The following AQP6 variants were observed in gnomAD, a reference collection of about 807,000 sequenced individuals.
AQP6 encodes the protein aquaporin-6.
Under a neutral mutation model 16.3 loss-of-function variants are expected in AQP6, and 14 were observed. The ratio of observed to expected loss-of-function variants is 0.86; its 90% CI spans 0.57 to 1.34. The LOEUF (loss-of-function observed/expected upper bound fraction) is 1.34, where lower values mean the gene tolerates loss of function less well. Among genes scored for constraint, AQP6 ranks in the 40% most tolerant of loss-of-function variants. The probability of loss-of-function intolerance (pLI) is 0.00; values close to 1 mark genes in which losing one functional copy is unlikely to be tolerated. For synonymous variants in AQP6, 178 were observed against 166.8 expected (o/e 1.07, Z -0.52); for missense variants, 331 against 379.7 (o/e 0.87, Z 1.07).
chr12:49,975,111 CAG>C lies in AQP6; in HGVS notation c.642+287_642+288del. 1 of 1,320,400 alleles carries C rather than the reference CAG, an allele frequency of 7.6e-7. No homozygotes were observed. The highest frequency in any genetic ancestry group is 2.0e-5 in the South Asian group (1 of 50,210). 81.8% of individuals were successfully genotyped at this position (1,320,400 alleles called of 1,614,324 possible). On this transcript the variant is annotated intron_variant, in intron 3 of 3. Transcript: ENST00000315520. The surrounding 1 kb of genome is among the most constrained non-coding windows in gnomAD (Gnocchi z 4.4). ...AAACTTGGATAAAGAAAAAGACAAA[CAG>C]AAATAGACACACACACCAGCAGAGA... is the stretch of plus-strand genomic sequence containing the variant.
At chr12:49,973,745 A>C (rs1019005453) in intron 1 of AQP6, among the ~76,000 whole-genome samples, 170 bp downstream of exon 1, 5 of 152,218 alleles carry the variant, frequency 3.3e-5, no homozygotes, top group African/African-American at 9.6e-5. Flanking sequence ...CTTTGACCTC[A>C]GTCTAGGCAG....
At position 49,973,017 on chromosome 12, in the gene AQP6, G is replaced by A; in HGVS notation, c.-157G>A. The A allele has an allele frequency of 9.8e-7, 1 of 1,024,480 alleles. No homozygotes were observed. Among genetic ancestry groups the A allele is most frequent in the Non-Finnish European group, 1.4e-6 (1 of 723,792 alleles). The allele number at this position is 1,024,480 out of a possible 1,614,324, so 63.5% of individuals were successfully genotyped here. A position where few individuals can be genotyped will look rare whatever the true frequency, so the allele number is the denominator to read the frequency against. ...AGCACAGTCCTGGGGACAGGAGCGTGGTGGAGGAGCTGCAGGTGGGGGCCA... is the reference window on the plus strand; with the variant it reads ...AGCACAGTCCTGGGGACAGGAGCGTAGTGGAGGAGCTGCAGGTGGGGGCCA... On this transcript the variant is annotated 5_prime_UTR_variant, in exon 1 of 4. It introduces an in-frame stop codon into an upstream open reading frame of the 5' UTR. Transcript: ENST00000315520.
rs1021909610 is a variant in AQP6 at position 49,975,154 on chromosome 12, C to T, written c.643-311C>T. 7.7e-7 allele frequency: 1 copy of T among 1,298,806 alleles called. No individual in the cohort carries two copies. The highest frequency in any genetic ancestry group is 2.3e-5 in the South Asian group (1 of 44,384). 80.5% of individuals were successfully genotyped at this position (1,298,806 alleles called of 1,614,324 possible). A position where few individuals can be genotyped will look rare whatever the true frequency, so the allele number is the denominator to read the frequency against. On this transcript the variant is annotated intron_variant, in intron 3 of 3. Coordinates refer to ENST00000315520, the MANE Select transcript of AQP6 (RefSeq NM_001652.4). The surrounding 1 kb of genome is among the most constrained non-coding windows in gnomAD (Gnocchi z 4.4). ...CCAGCAGAGACAGAAACAGCAATAG[C>T]CAGGACTCCTGGCTAAAACGGGGGA...
In AQP6 at chr12:49,973,131, A is replaced by G. The variant is rs1947540586; in HGVS notation, c.-43A>G. 4 of 1,554,630 alleles carry G rather than the reference A, an allele frequency of 2.6e-6. No homozygotes were observed. The highest frequency in any genetic ancestry group is 1.4e-5 in the African/African-American group (1 of 73,496). On this transcript the variant is annotated 5_prime_UTR_variant, in exon 1 of 4. Coordinates refer to ENST00000315520, the MANE Select transcript of AQP6 (RefSeq NM_001652.4). ...AGATCAGAGACCAGAGGAACAGAGA[A>G]GAGGCCCCAGAGCAAGGCAAGGAAC...
Position 49,975,375 on chromosome 12 carries a change from A to G in AQP6, c.643-90A>G. ...ACAGTTGAGGGAGACCTGGGAGATCAAGTCGGCACTGGGGAAGCAGGCAGC... is the reference window on the plus strand; with the variant it reads ...ACAGTTGAGGGAGACCTGGGAGATCGAGTCGGCACTGGGGAAGCAGGCAGC... On this transcript the variant is annotated intron_variant, in intron 3 of 3. Transcript: ENST00000315520. This position sits in a 1 kb window ranked among gnomAD's most constrained non-coding sequence, Gnocchi z 4.4. 1 of 1,503,676 alleles carries G rather than the reference A, an allele frequency of 6.7e-7. No individual in the cohort carries two copies. The highest frequency in any genetic ancestry group is 1.4e-5 in the South Asian group (1 of 72,488). The allele number at this position is 1,503,676 out of a possible 1,614,324, so 93.1% of individuals were successfully genotyped here. A position where few individuals can be genotyped will look rare whatever the true frequency, so the allele number is the denominator to read the frequency against.
chr12:49,975,789 G>GTCCCCTCCAGCCC lies in AQP6; in HGVS notation c.*118_*119insTCCCCTCCAGCCC. The GTCCCCTCCAGCCC allele has an allele frequency of 7.5e-7, 1 of 1,335,572 alleles. No individual in the cohort carries two copies. The highest frequency in any genetic ancestry group is 9.9e-7 in the Non-Finnish European group (1 of 1,014,168). The allele number at this position is 1,335,572 out of a possible 1,614,324, so 82.7% of individuals were successfully genotyped here. The stretch of plus-strand genomic sequence containing the variant: ...CCTTTTGTCCTGACCAGGTGGGCTG[G>GTCCCCTCCAGCCC]AGGGGACAAGCCCTATCCCTGGCAT... On this transcript the variant is annotated 3_prime_UTR_variant, in exon 4 of 4. Transcript: ENST00000315520. The surrounding 1 kb of genome is among the most constrained non-coding windows in gnomAD (Gnocchi z 4.4).
Position 49,974,641 on chromosome 12 carries a change from A to G in AQP6, c.562-105A>G, listed in dbSNP as rs1815514025. The G allele has an allele frequency of 9.5e-6, 14 of 1,477,562 alleles. No homozygotes were observed. In the South Asian group the frequency reaches 1.8e-4, roughly 19 times the overall value. 91.5% of individuals were successfully genotyped at this position (1,477,562 alleles called of 1,614,324 possible). ...CTCTAGGCCCAGGATATGGCACTACAGAGGCCGTGGCTGGGGCTAAGGCTC... is the reference window on the plus strand; with the variant it reads ...CTCTAGGCCCAGGATATGGCACTACGGAGGCCGTGGCTGGGGCTAAGGCTC... On this transcript the variant is annotated intron_variant, in intron 2 of 3. Coordinates refer to ENST00000315520, the MANE Select transcript of AQP6 (RefSeq NM_001652.4).
At chr12:49,974,698 G>A in intron 2 of AQP6, 48 bp from the exon 3 acceptor site, 3 of 1,599,672 alleles carry the variant, frequency 1.9e-6, no homozygotes, top group Non-Finnish European at 2.6e-6. Flanking sequence ...TCCCCTCTCA[G>A]GCCTGCCTTA....
chr12:49,974,506 G>A (rs751357056), intron 2 of AQP6, 24 bp downstream of exon 2: 2 of 1,582,302 alleles, frequency 1.3e-6, no homozygotes, highest in East Asian at 2.3e-5. Context: ...GGGACACCGT[G>A]CACATGCACA....
Position 49,975,401 on chromosome 12 carries a change from G to A in AQP6, c.643-64G>A, listed in dbSNP as rs999523832. ...AGTCGGCACTGGGGAAGCAGGCAGC[G>A]GTCCCAGAGCCACCCTGTGGTCCTG... On this transcript the variant is annotated intron_variant, in intron 3 of 3. Transcript: ENST00000315520. This position sits in a 1 kb window ranked among gnomAD's most constrained non-coding sequence, Gnocchi z 4.4. 1.3e-5 allele frequency: 19 copies of A among 1,514,694 alleles called. No homozygotes were observed. Among genetic ancestry groups the A allele is most frequent in the African/African-American group, 8.4e-5 (6 of 71,466 alleles). 93.8% of individuals were successfully genotyped at this position (1,514,694 alleles called of 1,614,324 possible). A position where few individuals can be genotyped will look rare whatever the true frequency, so the allele number is the denominator to read the frequency against.
intron 1 of AQP6, 52 bp from the exon 2 acceptor site, chr12:49,974,272 T>C (rs1160810485): frequency 6.8e-7 from 1 of 1,463,228 alleles, no homozygotes; most frequent in Non-Finnish European, 9.1e-7. Flanking sequence ...GGTTTCTCTG[T>C]CTGTCCGTGG....
At position 49,973,479 on chromosome 12, in the gene AQP6, C is replaced by T. The variant is rs1450301403; in HGVS notation, c.306C>T (p.Ala102=). 13 of 1,613,786 alleles carry T rather than the reference C, an allele frequency of 8.1e-6. 1 individual carries two copies. The highest frequency in any genetic ancestry group is 9.3e-6 in the Non-Finnish European group (11 of 1,180,050). The change falls in exon 1 of 4, where the codon GCC becomes GCT. Residue 102 remains alanine, a synonymous_variant. Coordinates refer to ENST00000315520, the MANE Select transcript of AQP6 (RefSeq NM_001652.4). ...GSHISLPRAV[A]YVAAQLVGAT... ...ACATCTCTCTGCCCCGTGCTGTGGC[C>T]TATGTGGCTGCCCAGCTGGTGGGGG...
chr12:49,975,009 C>T lies in AQP6; in HGVS notation c.642+183C>T, dbSNP rs1429687674. 1 of 1,412,640 alleles carries T rather than the reference C, an allele frequency of 7.1e-7. No individual in the cohort carries two copies. The allele number at this position is 1,412,640 out of a possible 1,614,324, so 87.5% of individuals were successfully genotyped here. ...TGGACTGGCAAGAAATGGGCCAGGG[C>T]AGGAGCTGCAGCCTTGGCCCAGACT... On this transcript the variant is annotated intron_variant, in intron 3 of 3. Coordinates refer to ENST00000315520, the MANE Select transcript of AQP6 (RefSeq NM_001652.4). The surrounding 1 kb of genome is among the most constrained non-coding windows in gnomAD (Gnocchi z 4.4).
At chr12:49,974,007 A>C in intron 1 of AQP6, 1 of 1,171,914 alleles carries the variant, frequency 8.5e-7, no homozygotes, top group Admixed American at 4.2e-5. Context: ...CCATTTCGTA[A>C]CCATCTGTGT....
chr12:49,973,422 C>T lies in AQP6; in HGVS notation c.249C>T (p.Pro83=), dbSNP rs138475623. 119 of 1,613,130 alleles carry T rather than the reference C, an allele frequency of 7.4e-5. No homozygotes were observed. Among genetic ancestry groups the T allele is most frequent in the Non-Finnish European group, 9.7e-5 (114 of 1,180,052 alleles). The change falls in exon 1 of 4, where the codon CCC becomes CCT. Residue 83 remains proline, a synonymous_variant. Coordinates refer to ENST00000315520, the MANE Select transcript of AQP6 (RefSeq NM_001652.4). ...AGGCCAGCGGGGCCCACGCCAACCC[C>T]GCCGTGACGCTGGCCTTCCTCGTAG... is the stretch of plus-strand genomic sequence containing the variant. The part of the protein sequence containing the change: ...TWKASGAHAN[P]AVTLAFLVGS...
At position 49,976,640 on chromosome 12, in the gene AQP6, AGGTGGGATAGAGGAAGGGAGGTTT is replaced by A; in HGVS notation, c.*971_*994del. On this transcript the variant is annotated 3_prime_UTR_variant, in exon 4 of 4. Coordinates refer to ENST00000315520, the MANE Select transcript of AQP6 (RefSeq NM_001652.4). ...AGAACATTTTCTCAGGCTCGTAGAGAGGTGGGATAGAGGAAGGGAGGTTTGAGCCAGACAGGCCTTTCCCAGGGA... is the reference window on the plus strand; with the variant it reads ...AGAACATTTTCTCAGGCTCGTAGAGAGAGCCAGACAGGCCTTTCCCAGGGA... 1 of 306,040 alleles carries A rather than the reference AGGTGGGATAGAGGAAGGGAGGTTT, an allele frequency of 3.3e-6. No individual in the cohort carries two copies. The highest frequency in any genetic ancestry group is 6.0e-6 in the Non-Finnish European group (1 of 166,074). The allele number at this position is 306,040 out of a possible 1,614,324, so 19.0% of individuals were successfully genotyped here. A position where few individuals can be genotyped will look rare whatever the true frequency, so the allele number is the denominator to read the frequency against.
Position 49,975,240 on chromosome 12 carries a change from C to T in AQP6, c.643-225C>T. 1 of 1,332,480 alleles carries T rather than the reference C, an allele frequency of 7.5e-7. No homozygotes were observed. The highest frequency in any genetic ancestry group is 9.6e-7 in the Non-Finnish European group (1 of 1,046,874). The allele number at this position is 1,332,480 out of a possible 1,614,324, so 82.5% of individuals were successfully genotyped here. A position where few individuals can be genotyped will look rare whatever the true frequency, so the allele number is the denominator to read the frequency against. ...TGGCCCCAGGCCCCAGCCACGGCTG[C>T]AGAGCCTGGGCTCAGCCCCAGGGAG... On this transcript the variant is annotated intron_variant, in intron 3 of 3. Transcript: ENST00000315520. The surrounding 1 kb of genome is among the most constrained non-coding windows in gnomAD (Gnocchi z 4.4).
chr12:49,974,357 G>A lies in AQP6; in HGVS notation c.436G>A (p.Ala146Thr). 6.2e-7 allele frequency: 1 copy of A among 1,602,350 alleles called. No individual in the cohort carries two copies. The change falls in exon 2 of 4, where the codon GCA (alanine) becomes ACA (threonine). Residue 146 changes from alanine to threonine, a missense_variant. Ala to Thr is a moderately conservative substitution (Grantham distance 58). Transcript: ENST00000315520. ...CAGTGTCTCAACTGGCCAGGCGGTG[G>A]CAGTGGAGCTGCTTCTGACCCTGCA... ...RNSVSTGQAV[A>T]VELLLTLQLV...
In AQP6 at chr12:49,974,431, C is replaced by A. The variant is rs2137171563; in HGVS notation, c.510C>A (p.Gly170=). ...CCACCGACAGCCGTCAGACATCAGGCTCCCCGGCCACCATGATTGGGATCT... is the reference window on the plus strand; with the variant it reads ...CCACCGACAGCCGTCAGACATCAGGATCCCCGGCCACCATGATTGGGATCT... The part of the protein sequence containing the change: ...FASTDSRQTS[G]SPATMIGISV... Residue 170 remains glycine, a synonymous_variant, in exon 2 of 4, where the codon GGC becomes GGA. Transcript: ENST00000315520. 6.2e-7 allele frequency: 1 copy of A among 1,613,686 alleles called. No individual in the cohort carries two copies. Among genetic ancestry groups the A allele is most frequent in the Non-Finnish European group, 8.5e-7 (1 of 1,179,706 alleles).
Sources: allele counts gnomAD v4.1 joint callset (sites outside exome capture counted in the v4.1 genomes callset), GRCh38; gene constraint gnomAD v4.1.1; non-coding constraint Gnocchi (gnomAD v3.1); transcripts MANE v1.5; gene names NCBI Gene and HGNC (gene_info 2026-07-23, HGNC 2026-07-21).